The following TJP2 variants were observed in gnomAD, a reference collection of about 807,000 sequenced individuals.
The protein encoded by TJP2 is tight junction protein 2, also known as Friedreich ataxia region gene X104 (tight junction protein ZO-2).
Under a neutral mutation model 133.1 loss-of-function variants are expected in TJP2, and 91 were observed. That is an observed-to-expected ratio of 0.68 (90% CI 0.58 to 0.81). The LOEUF is 0.81. Ranked by LOEUF, TJP2 falls within the 40% of genes least tolerant of loss-of-function variation. TJP2 has a pLI of 0.00. For synonymous variants in TJP2, 592 were observed against 583.4 expected (o/e 1.01, Z -0.21); for missense variants, 1,541 against 1,565.6 (o/e 0.98, Z 0.26).
chr9:69,137,035 T>C (rs1822761488), intron 1 of TJP2, among the ~76,000 whole-genome samples: 1 of 152,180 alleles, frequency 6.6e-6, no homozygotes. Context: ...GAGTCAGCCC[T>C]GCTGCGTAGG....
In TJP2 at chr9:69,251,299, G is replaced by A. The variant is rs774499739; in HGVS notation, c.3256G>A (p.Glu1086Lys). The A allele has an allele frequency of 6.2e-7, 1 of 1,614,202 alleles. No individual in the cohort carries two copies. The highest frequency in any genetic ancestry group is 1.7e-5 in the Admixed American group (1 of 60,028). Residue 1086 changes from glutamate (E) to lysine (K), a missense_variant, in exon 21 of 23, where the codon GAG becomes AAG. Glu to Lys is a moderately conservative substitution (Grantham distance 56). Coordinates refer to ENST00000377245, the MANE Select transcript of TJP2 (RefSeq NM_004817.4). ...AGTCCTGGGCAAAGTCAAAATATTT[G>A]AGAAGATGGATCACAAGGCCAGGTT... ...KSVLGKVKIF[E>K]KMDHKARLQR...
rs937963348 is a variant in TJP2, at chr9:69,242,249, A to G, written c.2566+2102A>G. 5.3e-5 allele frequency among the ~76,000 whole-genome samples: 8 copies of G among 152,148 alleles called. No individual in the cohort carries two copies. In the East Asian group the frequency reaches 1.5e-3, roughly 29 times the overall value. ...TGGCTGAGTGTGAGTAAGAATCTAG[A>G]GGGGTCCATGTGTGTAGAAGGGGTT... On this transcript the variant is annotated intron_variant, in intron 17 of 22. Transcript: ENST00000377245.
At chr9:69,172,795 A>C (rs576669470), upstream of TJP2, among the ~76,000 whole-genome samples, 1 of 152,136 alleles carries the variant, frequency 6.6e-6, no homozygotes, top group African/African-American at 2.4e-5. Context: ...CTGGTCTCAA[A>C]CTCGTGGGCT....
intron 19 of TJP2, 45 bp from the exon 20 acceptor site, chr9:69,249,330 T>A: frequency 6.4e-7 from 1 of 1,566,926 alleles, no homozygotes; most frequent in South Asian, 1.2e-5. Context: ...CTCTGTTCTC[T>A]CTGCTTGGAT....
At chr9:69,237,779 C>G in intron 14 of TJP2, 99 bp from the exon 15 acceptor site, 1 of 858,348 alleles carries the variant, frequency 1.2e-6, no homozygotes, top group Non-Finnish European at 2.0e-6. Flanking sequence ...CAGTTTCTTT[C>G]GTTTAGTTAT....
intron 1 of TJP2, among the ~76,000 whole-genome samples, chr9:69,137,364 C>G (rs186279860): frequency 1.2e-3 from 161 of 139,292 alleles, no homozygotes; most frequent in Admixed American, 2.0e-3. Flanking sequence ...TGCTTTGTTG[C>G]CCAGGCTGGA....
At chr9:69,217,771 AG>A (rs539048617) in intron 3 of TJP2, among the ~76,000 whole-genome samples, 53 of 152,348 alleles carry the variant, frequency 3.5e-4, no homozygotes, top group African/African-American at 1.2e-3. Context: ...AAAATTTTAA[AG>A]TAATATTTGG....
upstream of TJP2, among the ~76,000 whole-genome samples, chr9:69,172,799 G>C (rs190514014): frequency 1.0e-3 from 156 of 151,928 alleles, no homozygotes; most frequent in Admixed American, 2.9e-3. Flanking sequence ...TCTCAAACTC[G>C]TGGGCTCAAG....
chr9:69,141,117 C>T (rs998756334), intron 1 of TJP2, among the ~76,000 whole-genome samples: 15 of 152,228 alleles, frequency 9.9e-5, no homozygotes, highest in Non-Finnish European at 4.4e-5. Flanking sequence ...TCCCAAAGTG[C>T]TGGGATTACA....
chr9:69,135,754 C>T (rs1357498495), intron 1 of TJP2, among the ~76,000 whole-genome samples: 2 of 152,102 alleles, frequency 1.3e-5, no homozygotes, highest in African/African-American at 4.8e-5. Flanking sequence ...TATAGGCTCG[C>T]GCCATCACGC....
At chr9:69,153,870 T>C (rs1437426632) in intron 2 of TJP2, among the ~76,000 whole-genome samples, 1 of 152,204 alleles carries the variant, frequency 6.6e-6, no homozygotes, top group Non-Finnish European at 1.5e-5. Flanking sequence ...CACTTAAGCT[T>C]GGCTTTCTGG....
chr9:69,137,283 CTTTCTTTCTTTCTTTCTTTTCT>C (rs1822802197), intron 1 of TJP2, among the ~76,000 whole-genome samples: 5 of 107,210 alleles, frequency 4.7e-5, no homozygotes, highest in Admixed American at 1.0e-4. Flanking sequence ...TTCTTTCTTT[CTTTCTTTCTTTCTTTCTTTTCT>C]TTTCTTTTCT....
chr9:69,248,389 T>C, intron 19 of TJP2, 165 bp downstream of exon 19: 1 of 1,434,598 alleles, frequency 7.0e-7, no homozygotes, highest in Non-Finnish European at 9.2e-7. Flanking sequence ...ATGGTTGCAG[T>C]CTGTGGGAAA....
At chr9:69,138,066 T>G (rs1822853448) in intron 1 of TJP2, among the ~76,000 whole-genome samples, 1 of 152,194 alleles carries the variant, frequency 6.6e-6, no homozygotes, top group Non-Finnish European at 1.5e-5. Context: ...GTTCTGCCTG[T>G]CATCAACAGG....
At position 69,219,898 on chromosome 9, in the gene TJP2, G is replaced by A. The variant is rs548619114; in HGVS notation, c.343-989G>A. ...CATTGGGCCAGGTTCAGTGGTTCAC[G>A]CCAGCACTTTGGGAGATGGAGGCAG... On this transcript the variant is annotated intron_variant, in intron 4 of 22. Coordinates refer to ENST00000377245, the MANE Select transcript of TJP2 (RefSeq NM_004817.4). Among the ~76,000 whole-genome samples, 5 of 145,530 alleles carry A rather than the reference G, an allele frequency of 3.4e-5. No homozygotes were observed. The South Asian group carries it at 6.5e-4, about 19-fold the overall frequency.
At chr9:69,250,069 A>G (rs1213964959) in intron 20 of TJP2, among the ~76,000 whole-genome samples, 2 of 152,218 alleles carry the variant, frequency 1.3e-5, no homozygotes, top group Non-Finnish European at 2.9e-5. Flanking sequence ...TCCTTATACC[A>G]GAATAAAACC....
chr9:69,202,561 A>C lies in TJP2; in HGVS notation c.61-9987A>C, dbSNP rs923336392. Among the ~76,000 whole-genome samples, 2 of 152,248 alleles carry C rather than the reference A, an allele frequency of 1.3e-5. 1 individual carries two copies. The highest frequency in any genetic ancestry group is 1.3e-4 in the Admixed American group (2 of 15,288). On this transcript the variant is annotated intron_variant, in intron 1 of 22. Coordinates refer to ENST00000377245, the MANE Select transcript of TJP2 (RefSeq NM_004817.4). The stretch of plus-strand genomic sequence containing the variant: ...AAAACTTACCATAACATAAACAGTC[A>C]ATGAACGCATTTTATATGCTATATG...
chr9:69,156,523 ATTTTTTTTTTT>A, intron 2 of TJP2, among the ~76,000 whole-genome samples: 1 of 81,162 alleles, frequency 1.2e-5, no homozygotes, highest in Non-Finnish European at 2.3e-5. Context: ...TACATGTAAG[ATTTTTTTTTTT>A]TTTTTTTTTT....
chr9:69,206,444 C>A (rs1827413863), intron 1 of TJP2, among the ~76,000 whole-genome samples: 1 of 152,170 alleles, frequency 6.6e-6, no homozygotes, highest in Admixed American at 6.6e-5. Context: ...TTGCAAAATT[C>A]TAACTGCATT....
Sources: allele counts gnomAD v4.1 joint callset (sites outside exome capture counted in the v4.1 genomes callset), GRCh38; gene constraint gnomAD v4.1.1; transcripts MANE v1.5; gene names NCBI Gene and HGNC (gene_info 2026-07-23, HGNC 2026-07-21).